The following ABR variants were observed in gnomAD, a reference collection of about 807,000 sequenced individuals.
The protein encoded by ABR is ABR activator of RhoGEF and GTPase.
Under a neutral mutation model 107.2 loss-of-function variants are expected in ABR, and 35 were observed. The observed-to-expected ratio is 0.33, with a 90% CI of 0.25 to 0.43. The LOEUF is 0.43. Ranked by LOEUF, ABR falls within the 20% of genes least tolerant of loss-of-function variation. ABR has a pLI of 1.00. For synonymous variants in ABR, 498 were observed against 462.0 expected (o/e 1.08, Z -1.00); for missense variants, 815 against 1,115.2 (o/e 0.73, Z 3.83).
chr17:1,215,232 AAG>A, intron 1 of ABR, among the ~76,000 whole-genome samples: 1 of 150,600 alleles, frequency 6.6e-6, no homozygotes, highest in Non-Finnish European at 1.5e-5. Context: ...AAAAAAAAAA[AAG>A]AAAAGAAAGA....
chr17:1,213,924 A>T (rs1016219729), intron 1 of ABR, among the ~76,000 whole-genome samples: 1 of 151,094 alleles, frequency 6.6e-6, no homozygotes, highest in African/African-American at 2.4e-5. Flanking sequence ...GTCTCGCCCT[A>T]TCGCCCAGGC....
chr17:1,146,828 C>G (rs977913015), intron 1 of ABR, among the ~76,000 whole-genome samples: 4 of 140,924 alleles, frequency 2.8e-5, no homozygotes, highest in Middle Eastern at 3.6e-3. Flanking sequence ...CACTGCCACA[C>G]GACACCACTG....
At chr17:1,040,224 G>A (rs887037380) in intron 16 of ABR, among the ~76,000 whole-genome samples, 3 of 152,172 alleles carry the variant, frequency 2.0e-5, no homozygotes, top group Non-Finnish European at 4.4e-5. Context: ...CCTCAGGCAG[G>A]GTCGAATGGG....
At chr17:1,098,880 G>A (rs2037672985) in intron 3 of ABR, among the ~76,000 whole-genome samples, 1 of 152,140 alleles carries the variant, frequency 6.6e-6, no homozygotes, top group Admixed American at 6.5e-5. Flanking sequence ...CCACCTCCCG[G>A]GTTCAAGCGA....
chr17:1,106,131 G>A (rs9892597), intron 2 of ABR, among the ~76,000 whole-genome samples: 4,665 of 152,216 alleles, frequency 0.031, 231 homozygotes, highest in African/African-American at 0.11. Flanking sequence ...AGTCTGGGCT[G>A]AGATATGCAG....
intron 2 of ABR, among the ~76,000 whole-genome samples, chr17:1,124,536 C>T (rs1383432104): frequency 4.6e-5 from 7 of 152,262 alleles, no homozygotes; most frequent in African/African-American, 1.4e-4. Context: ...CAGTCCCTGT[C>T]GCCAGGAACA....
intron 3 of ABR, among the ~76,000 whole-genome samples, chr17:1,099,188 C>A (rs1172914828): frequency 6.6e-6 from 1 of 152,080 alleles, no homozygotes; most frequent in African/African-American, 2.4e-5. Flanking sequence ...AATTCTCATG[C>A]CTCAGCCTCC....
At chr17:1,209,277 GTTTC>G (rs1657965476) in intron 1 of ABR, among the ~76,000 whole-genome samples, 2 of 150,740 alleles carry the variant, frequency 1.3e-5, no homozygotes, top group East Asian at 2.0e-4. Context: ...TAACCTGTTT[GTTTC>G]TTTCTTTTTT....
chr17:1,057,280 C>G (rs1468228713), intron 12 of ABR, among the ~76,000 whole-genome samples, 178 bp from the exon 13 acceptor site: 1 of 137,288 alleles, frequency 7.3e-6, no homozygotes, highest in East Asian at 2.1e-4. Flanking sequence ...CGAGAGGGGT[C>G]AGAGTAGGAG....
chr17:1,147,689 G>A (rs1195990301), intron 1 of ABR, among the ~76,000 whole-genome samples: 3 of 152,020 alleles, frequency 2.0e-5, no homozygotes, highest in African/African-American at 4.8e-5. Context: ...CGGCATGACC[G>A]GCTACCCTAA....
Position 1,203,399 on chromosome 17 carries a change from GC to G in ABR, c.838+25393del, listed in dbSNP as rs1416659465. ...GCGGGGCCTTGAGGGGGCGGGGCCCGCGGGGGGCGGAGTCTGCGGGGGCGGG... is the reference window on the plus strand; with the variant it reads ...GCGGGGCCTTGAGGGGGCGGGGCCCGGGGGGGCGGAGTCTGCGGGGGCGGG... On this transcript the variant is annotated intron_variant, in intron 1 of 22. Transcript: ENST00000574139. Among the ~76,000 whole-genome samples the G allele has an allele frequency of 1.1e-3, 3 of 2,784 alleles. No individual in the cohort carries two copies. The Admixed American group carries it at 0.018, about 17-fold the overall frequency. The allele number at this position is 2,784 out of a possible 152,430, so 1.8% of individuals were successfully genotyped here. A position where few individuals can be genotyped will look rare whatever the true frequency, so the allele number is the denominator to read the frequency against.
In ABR at chr17:1,007,153, G is replaced by A; in HGVS notation, c.2490+12C>T. On this transcript the variant is annotated intron_variant, in intron 22 of 22. Transcript: ENST00000302538. Reference sequence around the variant, plus strand: ...CCTCCGCCAGCCACGGGCCCGGGCGGTGCCAGGGTACCTGCGCCATGACGT... The same window carrying A: ...CCTCCGCCAGCCACGGGCCCGGGCGATGCCAGGGTACCTGCGCCATGACGT... The A allele has an allele frequency of 6.2e-7, 1 of 1,606,596 alleles. No individual in the cohort carries two copies. Among genetic ancestry groups the A allele is most frequent in the South Asian group, 1.1e-5 (1 of 90,344 alleles).
At chr17:1,194,822 T>G (rs1301489715) in intron 1 of ABR, among the ~76,000 whole-genome samples, 1 of 124,294 alleles carries the variant, frequency 8.0e-6, no homozygotes, top group Non-Finnish European at 1.7e-5. Context: ...CCCTAAAAAT[T>G]TTGTATTTTT....
chr17:1,227,511 T>C (rs979784534), intron 1 of ABR, among the ~76,000 whole-genome samples: 6 of 152,230 alleles, frequency 3.9e-5, no homozygotes, highest in Non-Finnish European at 7.3e-5. Flanking sequence ...ATAAGTGTAA[T>C]TGATCAAAAC....
intron 16 of ABR, among the ~76,000 whole-genome samples, chr17:1,014,024 G>C (rs1433535161): frequency 6.6e-6 from 1 of 152,252 alleles, no homozygotes; most frequent in African/African-American, 2.4e-5. Flanking sequence ...TAGTTGCAAA[G>C]AGTATGATTT....
At chr17:1,085,363 G>A (rs375177727) in intron 4 of ABR, among the ~76,000 whole-genome samples, 4 of 150,944 alleles carry the variant, frequency 2.6e-5, no homozygotes, top group Admixed American at 2.0e-4. Context: ...TGATCCACCC[G>A]CCTCGGCCTC....
chr17:1,166,378 G>A (rs1384865552), intron 1 of ABR, among the ~76,000 whole-genome samples: 1 of 152,114 alleles, frequency 6.6e-6, no homozygotes, highest in African/African-American at 2.4e-5. Flanking sequence ...TCACCTGGCT[G>A]AGAAAGACCA....
At chr17:1,054,122 G>A (rs889247846) in intron 14 of ABR, among the ~76,000 whole-genome samples, 6 of 152,190 alleles carry the variant, frequency 3.9e-5, no homozygotes, top group African/African-American at 9.7e-5. Context: ...TCCGAGCCTC[G>A]GCGTCCTCGT....
chr17:1,079,041 A>C, intron 6 of ABR: 1 of 836,750 alleles, frequency 1.2e-6, no homozygotes, highest in South Asian at 2.3e-5. Context: ...CGAGGAGAGG[A>C]GGGAAGGGGA....
Sources: allele counts gnomAD v4.1 joint callset (sites outside exome capture counted in the v4.1 genomes callset), GRCh38; gene constraint gnomAD v4.1.1; transcripts MANE v1.5; gene names NCBI Gene and HGNC (gene_info 2026-07-23, HGNC 2026-07-21).